Variants in DACH2 observed in about 807,000 individuals in gnomAD.
DACH2 encodes dachshund family transcription factor 2.
In DACH2, 17 loss-of-function variants were observed where a neutral mutation model predicts 35.8. The observed-to-expected ratio is 0.48, with a 90% CI of 0.33 to 0.71. DACH2 has a LOEUF of 0.71. Ranked by LOEUF, DACH2 falls within the 30% of genes least tolerant of loss-of-function variation. DACH2 has a pLI of 0.02. For missense variants in DACH2, 469 were observed against 472.7 expected (o/e 0.99, Z 0.07); for synonymous variants, 195 against 177.3 (o/e 1.10, Z -0.79).
intron 1 of DACH2, among the ~76,000 whole-genome samples, chrX:86,298,118 T>A (rs1357094474): frequency 9.0e-6 from 1 of 111,701 alleles, no homozygotes; most frequent in Non-Finnish European, 1.9e-5. Flanking sequence ...CTGAGCGCAT[T>A]GTTTGTATTG....
chrX:86,206,716 G>T (rs754140341), intron 1 of DACH2, among the ~76,000 whole-genome samples: 3 of 111,476 alleles, frequency 2.7e-5, no homozygotes, highest in Admixed American at 9.5e-5. Flanking sequence ...TAGCCTGTTT[G>T]CTTCGTTGGG....
chrX:86,437,852 T>A (rs1350955919), intron 2 of DACH2, among the ~76,000 whole-genome samples: 2 of 110,329 alleles, frequency 1.8e-5, no homozygotes, highest in Non-Finnish European at 3.8e-5. Context: ...ATTTGATATA[T>A]TCAATTTTAT....
chrX:86,747,005 A>T (rs1356648185), intron 7 of DACH2, among the ~76,000 whole-genome samples: 3 of 111,983 alleles, frequency 2.7e-5, no homozygotes, highest in Non-Finnish European at 5.6e-5. Context: ...ACTTCTCTGT[A>T]AAATTAAGCA....
chrX:86,372,413 C>A (rs2035901175), intron 1 of DACH2, among the ~76,000 whole-genome samples: 1 of 110,656 alleles, frequency 9.0e-6, no homozygotes, highest in Admixed American at 9.7e-5. Context: ...CACCTATAAC[C>A]CTTAAAATAG....
chrX:86,521,649 T>C (rs760067216), intron 3 of DACH2, among the ~76,000 whole-genome samples: 113 of 111,752 alleles, frequency 1.0e-3, no homozygotes, highest in African/African-American at 3.4e-3. Context: ...GACAAAACGT[T>C]GAGTGAGGAA....
chrX:86,762,438 C>T (rs1393878177), intron 7 of DACH2, among the ~76,000 whole-genome samples: 3 of 111,241 alleles, frequency 2.7e-5, no homozygotes, highest in Non-Finnish European at 5.7e-5. Context: ...CAATTTTATT[C>T]CCCACCCCAC....
intron 3 of DACH2, among the ~76,000 whole-genome samples, chrX:86,551,775 T>A (rs1318414386): frequency 8.9e-6 from 1 of 111,870 alleles, no homozygotes; most frequent in Non-Finnish European, 1.9e-5. Context: ...TTATCATTTC[T>A]CAATCTTGTA....
Position 86,580,669 on chromosome X carries a change from T to G in DACH2, c.640+66278T>G, listed in dbSNP as rs373948528. On this transcript the variant is annotated intron_variant, in intron 3 of 11. Coordinates refer to ENST00000373125, the MANE Select transcript of DACH2 (RefSeq NM_053281.3). ...CATGAAGACTGGTTCTCCAAATAAG[T>G]CGGTCAGATAAAACTAAAGAAGAAA... 2.7e-4 allele frequency among the ~76,000 whole-genome samples: 30 copies of G among 111,002 alleles called. No homozygotes were observed. The East Asian group carries it at 2.8e-3, about 11-fold the overall frequency.
intron 1 of DACH2, among the ~76,000 whole-genome samples, chrX:86,317,405 A>G (rs2034933520): frequency 8.9e-6 from 1 of 112,078 alleles, no homozygotes; most frequent in Non-Finnish European, 1.9e-5. Flanking sequence ...TACATTACCC[A>G]TCCCTTTTTG....
intron 5 of DACH2, among the ~76,000 whole-genome samples, chrX:86,702,657 A>G (rs1228916964): frequency 1.8e-5 from 2 of 111,764 alleles, no homozygotes; most frequent in Non-Finnish European, 3.8e-5. Context: ...CTCTATGCAC[A>G]CAAACTAGAA....
At chrX:86,791,738 T>G (rs900045275) in intron 7 of DACH2, among the ~76,000 whole-genome samples, 4 of 111,831 alleles carry the variant, frequency 3.6e-5, no homozygotes, top group Non-Finnish European at 7.5e-5. Context: ...AGCAAAATGA[T>G]AGCCTCTGCA....
intron 2 of DACH2, among the ~76,000 whole-genome samples, chrX:86,496,433 C>T (rs1052833979): frequency 9.0e-6 from 1 of 111,004 alleles, no homozygotes; most frequent in African/African-American, 3.3e-5. Flanking sequence ...ATTCTCTAAT[C>T]TTCTTCCTGG....
chrX:86,501,220 G>A (rs938180063), intron 2 of DACH2, among the ~76,000 whole-genome samples: 5 of 112,040 alleles, frequency 4.5e-5, no homozygotes, highest in African/African-American at 1.6e-4. Flanking sequence ...TTGGAAGGAG[G>A]CCCAAGGTGA....
intron 6 of DACH2, among the ~76,000 whole-genome samples, chrX:86,719,269 G>A (rs1000339130): frequency 1.8e-5 from 2 of 111,557 alleles, no homozygotes; most frequent in Non-Finnish European, 3.8e-5. Flanking sequence ...TTATCTGCTG[G>A]ATCATTATTG....
intron 1 of DACH2, among the ~76,000 whole-genome samples, chrX:86,243,516 T>C (rs1242419707): frequency 8.9e-6 from 1 of 112,033 alleles, no homozygotes; most frequent in East Asian, 2.8e-4. Flanking sequence ...TTTCATTTTC[T>C]GGTCATTACC....
At chrX:86,617,288 GT>G (rs907635904) in intron 3 of DACH2, among the ~76,000 whole-genome samples, 26 of 107,304 alleles carry the variant, frequency 2.4e-4, no homozygotes, top group South Asian at 1.6e-3. Context: ...TTCTAAAATA[GT>G]TTTTTTTTTC....
At chrX:86,211,691 C>T (rs967096032) in intron 1 of DACH2, among the ~76,000 whole-genome samples, 1 of 111,843 alleles carries the variant, frequency 8.9e-6, no homozygotes, top group Non-Finnish European at 1.9e-5. Flanking sequence ...GCTATTTGTA[C>T]ACCCTTTACC....
At chrX:86,494,521 A>C (rs1345151581) in intron 2 of DACH2, among the ~76,000 whole-genome samples, 1 of 112,868 alleles carries the variant, frequency 8.9e-6, no homozygotes, top group Non-Finnish European at 1.9e-5. Flanking sequence ...ACAATATCCA[A>C]TAAGGATGTA....
intron 1 of DACH2, among the ~76,000 whole-genome samples, chrX:86,340,592 T>C (rs1261308854): frequency 1.8e-5 from 2 of 110,399 alleles, no homozygotes; most frequent in African/African-American, 3.3e-5. Flanking sequence ...AAAGGAAGAG[T>C]CACACATCTC....
Sources: allele counts gnomAD v4.1 joint callset (sites outside exome capture counted in the v4.1 genomes callset), GRCh38; gene constraint gnomAD v4.1.1; transcripts MANE v1.5; gene names NCBI Gene and HGNC (gene_info 2026-07-23, HGNC 2026-07-21).